The following FAF1 variants were observed in gnomAD, a reference collection of about 807,000 sequenced individuals.
FAF1 encodes the protein Fas associated factor 1.
In FAF1, 25 loss-of-function variants were observed where a neutral mutation model predicts 92.5. The ratio of observed to expected loss-of-function variants is 0.27; its 90% CI spans 0.20 to 0.38. The LOEUF is 0.38. Among genes scored for constraint, FAF1 ranks in the 10% least tolerant of loss-of-function variants. FAF1 has a pLI of 1.00. For missense variants in FAF1, 636 were observed against 793.3 expected, an observed-to-expected ratio of 0.80 and a Z score of 2.38; for synonymous variants, 234 against 273.2, an observed-to-expected ratio of 0.86 and a Z score of 1.42.
intron 6 of FAF1, among the ~76,000 whole-genome samples, chr1:50,728,756 A>G (rs1251334756): frequency 6.6e-6 from 1 of 150,442 alleles, no homozygotes; most frequent in Non-Finnish European, 1.5e-5. Flanking sequence ...GCGCCACTGC[A>G]CTCTAGCCTG....
intron 8 of FAF1, among the ~76,000 whole-genome samples, chr1:50,633,472 T>C (rs987398998): frequency 6.6e-6 from 1 of 152,202 alleles, no homozygotes; most frequent in Non-Finnish European, 1.5e-5. Flanking sequence ...CAGACTTCTC[T>C]TCTAAGCAGC....
At chr1:50,746,545 G>A (rs1018625111) in intron 4 of FAF1, among the ~76,000 whole-genome samples, 11 of 150,906 alleles carry the variant, frequency 7.3e-5, no homozygotes, top group East Asian at 2.0e-4. Flanking sequence ...CAGGTGATCC[G>A]TCTGCCTCAG....
intron 18 of FAF1, among the ~76,000 whole-genome samples, chr1:50,468,973 A>C (rs1239502501): frequency 6.6e-6 from 1 of 152,244 alleles, no homozygotes; most frequent in Non-Finnish European, 1.5e-5. Flanking sequence ...ACCTAAAGAA[A>C]TATAAACTGC....
At chr1:50,944,541 C>T (rs1168724544) in intron 1 of FAF1, among the ~76,000 whole-genome samples, 1 of 152,134 alleles carries the variant, frequency 6.6e-6, no homozygotes, top group Non-Finnish European at 1.5e-5. Flanking sequence ...AACACCCAGA[C>T]CTTTCATCTG....
chr1:50,950,878 A>G (rs564071281), intron 1 of FAF1, among the ~76,000 whole-genome samples: 1 of 152,338 alleles, frequency 6.6e-6, no homozygotes, highest in East Asian at 1.9e-4. Flanking sequence ...TGTTTTCTTC[A>G]AGAACTCCAA....
chr1:50,447,148 T>G (rs369637464), intron 18 of FAF1, among the ~76,000 whole-genome samples: 1 of 137,530 alleles, frequency 7.3e-6, no homozygotes, highest in Non-Finnish European at 1.5e-5. Context: ...TTTTTTGAGA[T>G]GGAGTCTCCC....
chr1:50,922,732 T>A (rs1185097185), intron 1 of FAF1, among the ~76,000 whole-genome samples: 1 of 141,686 alleles, frequency 7.1e-6, no homozygotes, highest in African/African-American at 2.7e-5. Context: ...GGCAGGAGAA[T>A]CACTTGAACC....
chr1:50,598,145 G>C (rs1209018616), intron 8 of FAF1, among the ~76,000 whole-genome samples: 1 of 152,056 alleles, frequency 6.6e-6, no homozygotes, highest in Non-Finnish European at 1.5e-5. Flanking sequence ...ATAAACAAAA[G>C]ATTAGCTGGG....
intron 17 of FAF1, among the ~76,000 whole-genome samples, chr1:50,482,028 G>A (rs1646709898): frequency 6.6e-6 from 1 of 152,128 alleles, no homozygotes. Context: ...TTTATATACA[G>A]CAAACTCTAT....
chr1:50,542,342 A>T (rs947753291), intron 13 of FAF1, among the ~76,000 whole-genome samples: 3 of 152,216 alleles, frequency 2.0e-5, no homozygotes, highest in African/African-American at 7.2e-5. Flanking sequence ...CACAGTACAG[A>T]TGTCAAATCT....
intron 6 of FAF1, among the ~76,000 whole-genome samples, chr1:50,721,665 C>G (rs1359777513): frequency 6.6e-6 from 1 of 151,942 alleles, no homozygotes; most frequent in African/African-American, 2.4e-5. Context: ...CACTCTGTCA[C>G]CCACGCTGGA....
chr1:50,590,209 C>T (rs1651436789), intron 9 of FAF1, among the ~76,000 whole-genome samples: 1 of 152,144 alleles, frequency 6.6e-6, no homozygotes, highest in African/African-American at 2.4e-5. Flanking sequence ...AAAAAACCAC[C>T]ATTGGAATTT....
intron 7 of FAF1, among the ~76,000 whole-genome samples, chr1:50,705,183 G>C (rs529618813): frequency 6.6e-6 from 1 of 152,264 alleles, no homozygotes; most frequent in African/African-American, 2.4e-5. Flanking sequence ...TGGGGCCCAA[G>C]GCATACCAAC....
intron 8 of FAF1, among the ~76,000 whole-genome samples, chr1:50,599,068 C>A (rs935911676): frequency 6.6e-6 from 1 of 152,048 alleles, no homozygotes; most frequent in Non-Finnish European, 1.5e-5. Flanking sequence ...AAAATTATTT[C>A]ATAATAATAC....
At chr1:50,683,352 C>T (rs1164631257) in intron 7 of FAF1, among the ~76,000 whole-genome samples, 2 of 151,976 alleles carry the variant, frequency 1.3e-5, no homozygotes, top group African/African-American at 4.8e-5. Context: ...CATGGTGAAG[C>T]CTTGTTTCTA....
At chr1:50,777,310 C>A (rs1215443781) in intron 4 of FAF1, among the ~76,000 whole-genome samples, 1 of 151,018 alleles carries the variant, frequency 6.6e-6, no homozygotes, top group Non-Finnish European at 1.5e-5. Flanking sequence ...TCCCAGCACT[C>A]GGGAAGCTGA....
At chr1:50,903,856 T>C (rs537142899) in intron 1 of FAF1, among the ~76,000 whole-genome samples, 1 of 152,304 alleles carries the variant, frequency 6.6e-6, no homozygotes, top group South Asian at 2.1e-4. Context: ...ATGTTCTCTC[T>C]ACAGGTTGCA....
intron 7 of FAF1, among the ~76,000 whole-genome samples, chr1:50,662,806 T>C (rs760191208): frequency 1.3e-5 from 2 of 149,184 alleles, no homozygotes; most frequent in African/African-American, 5.0e-5. Flanking sequence ...GTTCACGTCA[T>C]TCTCCTGCCT....
At chr1:50,490,716 A>G (rs1381796695) in intron 16 of FAF1, 51 bp from the exon 17 acceptor site, 1 of 1,089,280 alleles carries the variant, frequency 9.2e-7, no homozygotes, top group African/African-American at 1.6e-5. Flanking sequence ...CTTGTTTACA[A>G]AGAAAGAGAG....
Sources: gnomAD v4.1 joint callset for allele counts (sites outside exome capture counted in the v4.1 genomes callset) on GRCh38, gnomAD v4.1.1 for gene constraint, MANE v1.5 for transcripts, NCBI Gene and HGNC (gene_info 2026-07-23, HGNC 2026-07-21) for gene names.